The following RMDN2 variants were observed in gnomAD, a reference collection of about 807,000 sequenced individuals.
RMDN2 encodes regulator of microtubule dynamics protein 2.
Under a neutral mutation model 52.8 loss-of-function variants are expected in RMDN2, and 61 were observed. The observed-to-expected ratio is 1.16, with a 90% CI of 0.94 to 1.43. RMDN2 has a LOEUF of 1.43. Ranked by LOEUF, RMDN2 falls within the 40% of genes most tolerant of loss-of-function variation. The pLI is 0.00. For synonymous variants in RMDN2, 180 were observed against 153.1 expected (o/e 1.18, Z -1.30); for missense variants, 592 against 475.3 (o/e 1.25, Z -2.28).
chr2:38,055,319 C>T (rs1681817616), intron 10 of RMDN2, among the ~76,000 whole-genome samples: 1 of 152,012 alleles, frequency 6.6e-6, no homozygotes, highest in Admixed American at 6.6e-5. Flanking sequence ...AAAAAACAGA[C>T]TCCTCAACCC....
intron 7 of RMDN2, among the ~76,000 whole-genome samples, chr2:37,991,986 A>G (rs1674866016): frequency 6.6e-6 from 1 of 152,244 alleles, no homozygotes; most frequent in Non-Finnish European, 1.5e-5. Context: ...GGGTAGGCAA[A>G]GAGATAACTT....
At chr2:38,005,522 A>T (rs1161938632) in intron 10 of RMDN2, among the ~76,000 whole-genome samples, 6 of 152,038 alleles carry the variant, frequency 3.9e-5, no homozygotes, top group Admixed American at 1.3e-4. Flanking sequence ...GTCTGTTCAT[A>T]TCCTGTGCCC....
Position 37,971,409 on chromosome 2 carries a change from C to T in RMDN2, c.453-2631C>T, listed in dbSNP as rs11904460. Among the ~76,000 whole-genome samples the T allele has an allele frequency of 4.0e-3, 601 of 152,084 alleles. 3 individuals carry two copies. Among genetic ancestry groups the T allele is most frequent in the African/African-American group, 0.013 (547 of 41,502 alleles). ...ATAATTTTAAGAAATTATTTCTGGA[C>T]GCTTAATTTTGAATAGATGATCCAT... is the stretch of plus-strand genomic sequence containing the variant. On this transcript the variant is annotated intron_variant, in intron 2 of 10. Transcript: ENST00000354545.
At chr2:37,942,152 G>A (rs771549243) in intron 2 of RMDN2, among the ~76,000 whole-genome samples, 9 of 152,120 alleles carry the variant, frequency 5.9e-5, no homozygotes, top group Non-Finnish European at 1.2e-4. Context: ...TTGGCTAGGG[G>A]AGGGAGTTCT....
chr2:37,966,273 C>T (rs998275984), intron 2 of RMDN2, among the ~76,000 whole-genome samples: 1 of 151,962 alleles, frequency 6.6e-6, no homozygotes, highest in Non-Finnish European at 1.5e-5. Flanking sequence ...AAAAATTAGC[C>T]AGGTGTGGTG....
chr2:37,940,870 C>A (rs1392206399), intron 2 of RMDN2, among the ~76,000 whole-genome samples: 1 of 152,146 alleles, frequency 6.6e-6, no homozygotes, highest in Admixed American at 6.5e-5. Context: ...TGTTATTACC[C>A]ACCTTCTGAA....
intron 10 of RMDN2, among the ~76,000 whole-genome samples, chr2:38,060,120 T>G (rs965573077): frequency 1.7e-5 from 2 of 120,868 alleles, no homozygotes; most frequent in African/African-American, 8.3e-5. Flanking sequence ...TTTATTTTAT[T>G]TTTTTTAGTA....
At chr2:37,956,242 A>T (rs1421377188) in intron 2 of RMDN2, among the ~76,000 whole-genome samples, 1 of 152,156 alleles carries the variant, frequency 6.6e-6, no homozygotes, top group Non-Finnish European at 1.5e-5. Context: ...TTATAGATCT[A>T]TTCAGATTTT....
intron 2 of RMDN2, among the ~76,000 whole-genome samples, chr2:37,961,701 A>G (rs1284347667): frequency 1.3e-5 from 2 of 152,026 alleles, no homozygotes; most frequent in Non-Finnish European, 2.9e-5. Flanking sequence ...TCAACTTGTC[A>G]AAGTCATTCT....
intron 2 of RMDN2, among the ~76,000 whole-genome samples, chr2:37,930,920 G>T (rs878905674): frequency 3.3e-5 from 5 of 152,186 alleles, no homozygotes; most frequent in African/African-American, 1.2e-4. Flanking sequence ...GGCAGGCAGC[G>T]CATGGGTCTG....
At chr2:38,002,578 A>T (rs1242911040) in intron 8 of RMDN2, among the ~76,000 whole-genome samples, 1 of 152,246 alleles carries the variant, frequency 6.6e-6, no homozygotes, top group Non-Finnish European at 1.5e-5. Context: ...ATTGACAAGA[A>T]TTATATATCT....
chr2:38,058,577 T>C (rs999815525), intron 10 of RMDN2, among the ~76,000 whole-genome samples: 6 of 152,172 alleles, frequency 3.9e-5, no homozygotes, highest in Non-Finnish European at 1.5e-5. Flanking sequence ...GCAGAACCCA[T>C]AGAACATAAG....
At chr2:38,000,734 G>A (rs1405613723) in intron 8 of RMDN2, among the ~76,000 whole-genome samples, 4 of 152,088 alleles carry the variant, frequency 2.6e-5, no homozygotes, top group Admixed American at 6.6e-5. Context: ...ATTTGTTTAT[G>A]TGTTAACTTA....
At chr2:38,028,948 C>A (rs969319224) in intron 10 of RMDN2, among the ~76,000 whole-genome samples, 2 of 152,110 alleles carry the variant, frequency 1.3e-5, no homozygotes, top group East Asian at 3.9e-4. Context: ...GCCATGGCTC[C>A]CTCAAACCAC....
chr2:37,960,768 C>G (rs1258917901), intron 2 of RMDN2, among the ~76,000 whole-genome samples: 4 of 152,288 alleles, frequency 2.6e-5, no homozygotes, highest in East Asian at 1.9e-4. Flanking sequence ...TTAGTTGATG[C>G]AGTTTTTTCA....
At chr2:38,065,684 G>C (rs1161579257) in intron 10 of RMDN2, among the ~76,000 whole-genome samples, 1 of 152,212 alleles carries the variant, frequency 6.6e-6, no homozygotes, top group African/African-American at 2.4e-5. Flanking sequence ...GGTGATGCAT[G>C]GCTATCAGAT....
At chr2:37,924,177 TA>T (rs1196520800), upstream of RMDN2, among the ~76,000 whole-genome samples, 1 of 152,238 alleles carries the variant, frequency 6.6e-6, no homozygotes, top group Non-Finnish European at 1.5e-5. Flanking sequence ...AACAGTAGTA[TA>T]TGGATTGCAA....
chr2:37,925,814 C>A (rs1666232045), intron 1 of RMDN2, among the ~76,000 whole-genome samples: 1 of 152,218 alleles, frequency 6.6e-6, no homozygotes, highest in South Asian at 2.1e-4. Context: ...TTCAGCCTTG[C>A]GCAAACATTT....
chr2:37,953,554 T>C (rs564191422), intron 2 of RMDN2, among the ~76,000 whole-genome samples: 67 of 152,184 alleles, frequency 4.4e-4, no homozygotes, highest in African/African-American at 1.6e-3. Flanking sequence ...AATATTCCAC[T>C]GTATGTATAT....
Sources: gnomAD v4.1 joint callset for allele counts (sites outside exome capture counted in the v4.1 genomes callset) on GRCh38, gnomAD v4.1.1 for gene constraint, MANE v1.5 for transcripts, NCBI Gene and HGNC (gene_info 2026-07-23, HGNC 2026-07-21) for gene names.